CRISP2: variants seen among roughly 807,000 people sequenced by gnomAD.
CRISP2 encodes the protein cysteine rich secretory protein 2.
In CRISP2, 29 loss-of-function variants were observed where a neutral mutation model predicts 31.7. That is an observed-to-expected ratio of 0.92 (90% confidence interval 0.68 to 1.25). The LOEUF is 1.25. CRISP2 is among the 50% of genes most tolerant of loss of function. CRISP2 has a pLI of 0.00. For synonymous variants in CRISP2, 111 were observed against 101.4 expected, an observed-to-expected ratio of 1.09 and a Z score of -0.57; for missense variants, 318 against 286.5, an observed-to-expected ratio of 1.11 and a Z score of -0.79.
chr6:49,697,832 G>T, intron 8 of CRISP2, 28 bp downstream of exon 8: 1 of 1,603,308 alleles, frequency 6.2e-7, no homozygotes, highest in Non-Finnish European at 8.5e-7. Context: ...TAGAATTATT[G>T]CCATTAAACT....
the CRISP2 span, among the ~76,000 whole-genome samples, chr6:49,680,733 T>A: frequency 6.6e-6 from 1 of 152,366 alleles, no homozygotes; most frequent in Admixed American, 6.5e-5. Context: ...GGTTTTGATT[T>A]GCATTTCTCT....
rs771998888 is a variant in CRISP2, at chr6:49,699,902, C to A, written c.184-11G>T. 1 of 1,610,522 alleles carries A rather than the reference C, an allele frequency of 6.2e-7. No homozygotes were observed. Among genetic ancestry groups the A allele is most frequent in the Non-Finnish European group, 8.5e-7 (1 of 1,177,652 alleles). ...CTCTCTGCTCCATTCCTAAACGTCA[C>A]AAGAAAACAAAATACACTTAATGAT... On this transcript the variant is annotated splice_polypyrimidine_tract_variant and intron_variant, in intron 5 of 9. Coordinates refer to ENST00000339139, the MANE Select transcript of CRISP2 (RefSeq NM_003296.4).
At chr6:49,698,068 C>T in intron 7 of CRISP2, 111 bp from the exon 8 acceptor site, 1 of 823,244 alleles carries the variant, frequency 1.2e-6, no homozygotes, top group South Asian at 2.2e-5. Context: ...AGACATATAC[C>T]ATAAAAATAT....
At chr6:49,681,263 T>C in the CRISP2 span, among the ~76,000 whole-genome samples, 1 of 152,178 alleles carries the variant, frequency 6.6e-6, no homozygotes, top group Non-Finnish European at 1.5e-5. Context: ...CCTTTCCCCA[T>C]TGCTTGTTTT....
At chr6:49,707,080 C>T (rs1561887400) in intron 4 of CRISP2, among the ~76,000 whole-genome samples, 1 of 152,112 alleles carries the variant, frequency 6.6e-6, no homozygotes, top group Admixed American at 6.5e-5. Flanking sequence ...CTGCTTCTTA[C>T]ACCTTTTTGC....
chr6:49,707,867 A>G (rs921909237), intron 4 of CRISP2, among the ~76,000 whole-genome samples: 4 of 152,182 alleles, frequency 2.6e-5, no homozygotes, highest in African/African-American at 7.2e-5. Flanking sequence ...AAGATTGCTG[A>G]CCATATTATG....
chr6:49,698,093 CAA>C (rs1443600075), intron 7 of CRISP2, 136 bp from the exon 8 acceptor site: 1 of 744,200 alleles, frequency 1.3e-6, no homozygotes, highest in African/African-American at 1.8e-5. Flanking sequence ...ATTATTGAAC[CAA>C]AGTCATAAAC....
At chr6:49,706,929 A>G (rs568337699) in intron 4 of CRISP2, among the ~76,000 whole-genome samples, 193 of 152,344 alleles carry the variant, frequency 1.3e-3, no homozygotes, top group African/African-American at 4.4e-3. Context: ...GGATGTGCAT[A>G]TAAAATATCA....
rs541357808 is a variant in CRISP2, at chr6:49,708,223, A to G, written c.66+908T>C. ...CATCAGCTTTCTAACCCCATAGACC[A>G]GTGTTTACTAGAAAAATAATTTAAA... On this transcript the variant is annotated intron_variant, in intron 4 of 9. Coordinates refer to ENST00000339139, the MANE Select transcript of CRISP2 (RefSeq NM_003296.4). Among the ~76,000 whole-genome samples, 10 of 152,272 alleles carry G rather than the reference A, an allele frequency of 6.6e-5. No homozygotes were observed. In the East Asian group the frequency reaches 1.9e-3, roughly 29 times the overall value.
intron 4 of CRISP2, among the ~76,000 whole-genome samples, chr6:49,702,080 T>A: frequency 9.4e-6 from 1 of 106,184 alleles, no homozygotes. Flanking sequence ...TATAATGTAA[T>A]ATATATTATA....
the CRISP2 span, among the ~76,000 whole-genome samples, chr6:49,683,108 A>C: frequency 6.6e-6 from 1 of 151,994 alleles, no homozygotes; most frequent in East Asian, 2.0e-4. Flanking sequence ...TAGAGAGCTG[A>C]GATCACGCCA....
intron 4 of CRISP2, among the ~76,000 whole-genome samples, chr6:49,701,529 C>CAA (rs1765731207): frequency 1.7e-5 from 2 of 115,754 alleles, no homozygotes; most frequent in African/African-American, 9.0e-5. Flanking sequence ...TATATATACA[C>CAA]ACACACACAC....
chr6:49,686,983 C>A, the CRISP2 span, among the ~76,000 whole-genome samples: 1 of 151,190 alleles, frequency 6.6e-6, no homozygotes, highest in Non-Finnish European at 1.5e-5. Context: ...TGTTCTCACT[C>A]ATAGGTGGGA....
chr6:49,684,791 G>T, the CRISP2 span, among the ~76,000 whole-genome samples: 18 of 152,230 alleles, frequency 1.2e-4, no homozygotes, highest in Admixed American at 1.0e-3. Flanking sequence ...GTTTGGATTT[G>T]TGTGCCACAT....
At chr6:49,689,480 C>G (rs1255287789), downstream of CRISP2, among the ~76,000 whole-genome samples, 1 of 152,016 alleles carries the variant, frequency 6.6e-6, no homozygotes, top group Non-Finnish European at 1.5e-5. Flanking sequence ...TTATTAATCA[C>G]TCATTATGTG....
chr6:49,701,505 T>C (rs1291008299), intron 4 of CRISP2, among the ~76,000 whole-genome samples: 3 of 81,860 alleles, frequency 3.7e-5, no homozygotes, highest in Non-Finnish European at 7.6e-5. Flanking sequence ...TGTGTGTATA[T>C]ATATATATAT....
At chr6:49,679,733 T>A in the CRISP2 span, among the ~76,000 whole-genome samples, 2 of 151,778 alleles carry the variant, frequency 1.3e-5, no homozygotes, top group Non-Finnish European at 2.9e-5. Context: ...TGAGACGGAG[T>A]ATTACTCTAT....
chr6:49,679,974 G>A, the CRISP2 span, among the ~76,000 whole-genome samples: 1 of 152,242 alleles, frequency 6.6e-6, no homozygotes, highest in African/African-American at 2.4e-5. Context: ...CCAAAGTGCT[G>A]GGATTACAGG....
chr6:49,692,943 A>C, intron 9 of CRISP2, 43 bp from the exon 10 acceptor site: 1 of 1,605,282 alleles, frequency 6.2e-7, no homozygotes, highest in South Asian at 1.1e-5. Flanking sequence ...CGTTTTCCTC[A>C]GTAAGAGCAA....
Sources: gnomAD v4.1 joint callset for allele counts (sites outside exome capture counted in the v4.1 genomes callset) on GRCh38, gnomAD v4.1.1 for gene constraint, MANE v1.5 for transcripts, NCBI Gene and HGNC (gene_info 2026-07-23, HGNC 2026-07-21) for gene names.